The following CNTN4 variants were observed in gnomAD, a reference collection of about 807,000 sequenced individuals.
CNTN4 encodes contactin 4, also known as contactin-4.
Under a neutral mutation model 122.5 loss-of-function variants are expected in CNTN4, and 77 were observed. That is an observed-to-expected ratio of 0.63 (90% CI 0.52 to 0.76). The LOEUF (loss-of-function observed/expected upper bound fraction) is 0.76. Among genes scored for constraint, CNTN4 ranks in the 30% least tolerant of loss-of-function variants. The pLI is 0.00. For missense variants in CNTN4, 1,256 were observed against 1,259.1 expected, an observed-to-expected ratio of 1.00 and a Z score of 0.04; for synonymous variants, 512 against 447.0, an observed-to-expected ratio of 1.15 and a Z score of -1.83.
chr3:2,779,349 A>T (rs1191623362), intron 6 of CNTN4, among the ~76,000 whole-genome samples: 1 of 151,988 alleles, frequency 6.6e-6, no homozygotes, highest in Non-Finnish European at 1.5e-5. Context: ...TCAGGTGCAC[A>T]CCATGACACC....
rs57226177 is a variant in CNTN4 at position 2,643,701 on chromosome 3, G to A, written c.55+72143G>A. ...AGATAGTGATAGGAGCTATAAAGGA[G>A]ATAAAAGTGGTGATGCGATAGTCTC... On this transcript the variant is annotated intron_variant, in intron 4 of 24. Coordinates refer to ENST00000418658, the MANE Select transcript of CNTN4 (RefSeq NM_175607.3). Among the ~76,000 whole-genome samples the A allele has an allele frequency of 7.5e-3, 1,145 of 152,270 alleles. 14 individuals carry two copies. Among genetic ancestry groups the A allele is most frequent in the African/African-American group, 0.022 (904 of 41,566 alleles).
At chr3:2,893,590 C>T (rs1050082858) in intron 10 of CNTN4, among the ~76,000 whole-genome samples, 2 of 151,958 alleles carry the variant, frequency 1.3e-5, no homozygotes, top group African/African-American at 4.8e-5. Context: ...ATTAAGCAAA[C>T]GTTGCGAATA....
chr3:2,467,924 G>A (rs185910063), intron 3 of CNTN4, among the ~76,000 whole-genome samples: 2 of 152,048 alleles, frequency 1.3e-5, no homozygotes, highest in African/African-American at 4.8e-5. Flanking sequence ...GATGAAGTGG[G>A]TATCTTTATC....
At chr3:2,113,792 G>T (rs1239786337) in intron 2 of CNTN4, among the ~76,000 whole-genome samples, 1 of 152,188 alleles carries the variant, frequency 6.6e-6, no homozygotes, top group African/African-American at 2.4e-5. Context: ...TTTATTGTTT[G>T]TGAAAACATG....
chr3:2,294,301 T>TTTTTTTTTTTTTTTTTC, intron 2 of CNTN4, among the ~76,000 whole-genome samples: 1 of 151,794 alleles, frequency 6.6e-6, no homozygotes, highest in Non-Finnish European at 1.5e-5. Context: ...TTTTTTTTTT[T>TTTTTTTTTTTTTTTTTC]TTACTGAATA....
At chr3:2,984,182 G>A (rs1559753014) in intron 13 of CNTN4, among the ~76,000 whole-genome samples, 2 of 151,582 alleles carry the variant, frequency 1.3e-5, no homozygotes, top group African/African-American at 2.4e-5. Flanking sequence ...TGAAAAGCTA[G>A]CTGGCTTTTA....
At position 3,026,206 on chromosome 3, in the gene CNTN4, T is replaced by A; in HGVS notation, c.1591T>A (p.Phe531Ile). 1.2e-6 allele frequency: 2 copies of A among 1,613,518 alleles called. No individual in the cohort carries two copies. The highest frequency in any genetic ancestry group is 1.7e-6 in the Non-Finnish European group (2 of 1,179,552). ...VTHDHSLDIVFTWSFNGHLID... is the reference protein window; with the variant it reads ...VTHDHSLDIVITWSFNGHLID... The stretch of plus-strand genomic sequence containing the variant: ...GCATGATCACTCGCTAGACATCGTG[T>A]TTACTTGGTCATTTAATGGACACCT... The change falls in exon 15 of 25, where the codon TTT becomes ATT. Residue 531 changes from phenylalanine (F) to isoleucine (I), a missense_variant. Physicochemically the swap from Phe to Ile is conservative, Grantham distance 21. Transcript: ENST00000418658.
At chr3:2,728,431 A>G (rs2088395574) in intron 4 of CNTN4, among the ~76,000 whole-genome samples, 1 of 152,106 alleles carries the variant, frequency 6.6e-6, no homozygotes, top group Non-Finnish European at 1.5e-5. Context: ...GGTTCTTCCC[A>G]TTGGGTTCCC....
chr3:2,157,525 A>T (rs56377462), intron 2 of CNTN4, among the ~76,000 whole-genome samples: 22,596 of 152,186 alleles, frequency 0.15, 2,020 homozygotes, highest in East Asian at 0.38. Flanking sequence ...AATGAAAAAA[A>T]CTTTGGAGTA....
intron 4 of CNTN4, among the ~76,000 whole-genome samples, chr3:2,597,484 A>C (rs2080824488): frequency 6.6e-6 from 1 of 152,218 alleles, no homozygotes; most frequent in Admixed American, 6.5e-5. Context: ...GTGTCTTGAC[A>C]TAAGGCTCCT....
At chr3:2,268,155 G>T (rs925478441) in intron 2 of CNTN4, among the ~76,000 whole-genome samples, 3 of 152,022 alleles carry the variant, frequency 2.0e-5, no homozygotes, top group African/African-American at 7.2e-5. Flanking sequence ...ATGTGCATTT[G>T]CATAGCTGTT....
intron 2 of CNTN4, among the ~76,000 whole-genome samples, chr3:2,127,284 C>T (rs1199921159): frequency 6.6e-6 from 1 of 152,088 alleles, no homozygotes; most frequent in Non-Finnish European, 1.5e-5. Context: ...GAGCCAAGTC[C>T]ATCAGAGAAC....
At chr3:2,582,431 G>C (rs755766191) in intron 4 of CNTN4, among the ~76,000 whole-genome samples, 9 of 152,132 alleles carry the variant, frequency 5.9e-5, no homozygotes, top group African/African-American at 2.2e-4. Flanking sequence ...CCGTTATGGA[G>C]CTTCCCTGTT....
intron 2 of CNTN4, among the ~76,000 whole-genome samples, chr3:2,313,814 A>C (rs55757634): frequency 0.36 from 54,297 of 151,456 alleles, 10,008 homozygotes; most frequent in East Asian, 0.67. Context: ...AGGCATACCC[A>C]CCAAATACCC....
intron 13 of CNTN4, among the ~76,000 whole-genome samples, chr3:2,955,998 C>A (rs1041391340): frequency 2.0e-5 from 3 of 152,150 alleles, no homozygotes; most frequent in African/African-American, 7.2e-5. Flanking sequence ...CATCCATGTT[C>A]ATTGCAGCAT....
In CNTN4 at chr3:3,002,206, A is replaced by G. The variant is rs191953490; in HGVS notation, c.1486+13734A>G. ...ATGAATATTTTTAATTGATTCGACCAGTGTGTTTGAATGACAAAATTTGTG... is the reference window on the plus strand; with the variant it reads ...ATGAATATTTTTAATTGATTCGACCGGTGTGTTTGAATGACAAAATTTGTG... On this transcript the variant is annotated intron_variant, in intron 14 of 24. Transcript: ENST00000418658. 9.4e-3 allele frequency among the ~76,000 whole-genome samples: 1,436 copies of G among 152,310 alleles called. 11 individuals are homozygous for G. The highest frequency in any genetic ancestry group is 0.014 in the Non-Finnish European group (980 of 68,022).
rs149792088 is a variant in CNTN4 at position 2,607,180 on chromosome 3, G to A, written c.55+35622G>A. ...GTCTGTTTTTGCTAGAAACTGTCAC[G>A]TGAATAAAGGAAAGAGTAGAAATTA... On this transcript the variant is annotated intron_variant, in intron 4 of 24. Coordinates refer to ENST00000418658, the MANE Select transcript of CNTN4 (RefSeq NM_175607.3). Among the ~76,000 whole-genome samples, 705 of 152,228 alleles carry A rather than the reference G, an allele frequency of 4.6e-3. 5 individuals are homozygous for A. Among genetic ancestry groups the A allele is most frequent in the African/African-American group, 0.016 (680 of 41,524 alleles).
At chr3:2,999,658 G>A (rs1006642383) in intron 14 of CNTN4, among the ~76,000 whole-genome samples, 1 of 151,942 alleles carries the variant, frequency 6.6e-6, no homozygotes, top group African/African-American at 2.4e-5. Flanking sequence ...CAGAGAGGAT[G>A]GAACAGCAAA....
intron 4 of CNTN4, among the ~76,000 whole-genome samples, chr3:2,647,254 G>T (rs140529041): frequency 6.6e-6 from 1 of 152,006 alleles, no homozygotes; most frequent in Admixed American, 6.6e-5. Flanking sequence ...GGTTGTGGAC[G>T]CCTGTAATCC....
Sources: gnomAD v4.1 joint callset for allele counts (sites outside exome capture counted in the v4.1 genomes callset) on GRCh38, gnomAD v4.1.1 for gene constraint, MANE v1.5 for transcripts, NCBI Gene and HGNC (gene_info 2026-07-23, HGNC 2026-07-21) for gene names.